The following FRY variants were observed in gnomAD, a reference collection of about 807,000 sequenced individuals.
The protein encoded by FRY is protein furry homolog.
FRY carries 128 observed loss-of-function variants against 348.4 expected under a neutral mutation model. The observed-to-expected ratio is 0.37, with a 90% CI of 0.32 to 0.43. FRY has a LOEUF of 0.43. FRY is among the 20% of genes least tolerant of loss of function. FRY has a pLI of 1.00. For missense variants in FRY, 2,736 were observed against 3,695.2 expected, an observed-to-expected ratio of 0.74 and a Z score of 6.73; for synonymous variants, 1,370 against 1,374.7, an observed-to-expected ratio of 1.00 and a Z score of 0.08.
chr13:32,268,781 C>T (rs985393643), intron 55 of FRY, among the ~76,000 whole-genome samples: 28 of 151,990 alleles, frequency 1.8e-4, no homozygotes, highest in African/African-American at 6.5e-4. Flanking sequence ...GATTCTCCTG[C>T]CTCAGCCTCC....
chr13:32,065,465 C>T (rs1453008184), intron 1 of FRY, among the ~76,000 whole-genome samples: 1 of 152,032 alleles, frequency 6.6e-6, no homozygotes, highest in Non-Finnish European at 1.5e-5. Context: ...ACCACCACGC[C>T]TGACTGATTT....
intron 46 of FRY, among the ~76,000 whole-genome samples, chr13:32,242,883 T>G (rs527583428): frequency 1.8e-4 from 27 of 152,320 alleles, no homozygotes; most frequent in African/African-American, 6.3e-4. Flanking sequence ...ATTTCAACAT[T>G]TAGTTGGATC....
intron 22 of FRY, 112 bp downstream of exon 22, chr13:32,179,145 C>G (rs1266220369): frequency 1.3e-5 from 10 of 764,982 alleles, no homozygotes; most frequent in Admixed American, 2.3e-5. Flanking sequence ...ATTATGGGAT[C>G]AGATTTTCAT....
Position 32,208,859 on chromosome 13 carries a change from G to A in FRY, c.4025G>A (p.Ser1342Asn). 1 of 1,614,082 alleles carries A rather than the reference G, an allele frequency of 6.2e-7. No individual in the cohort carries two copies. Among genetic ancestry groups the A allele is most frequent in the Non-Finnish European group, 8.5e-7 (1 of 1,179,956 alleles). ...ELTLPLFSEV[S>N]QRFPTTHPNG... is the part of the protein sequence containing the mutation. ...TCACTGCAATTCTCTTTAGAGGTAA[G>A]CCAGCGATTCCCCACAACACACCCC... The change falls in exon 32 of 61, where the codon AGC (serine) becomes AAC (asparagine). Residue 1342 changes from serine to asparagine, a missense_variant. Ser to Asn is a conservative substitution (Grantham distance 46). Around this residue, in one of 9 missense-constraint regions of FRY, gnomAD observed 794 missense variants for 977.0 expected, o/e 0.81. Coordinates refer to ENST00000542859, the MANE Select transcript of FRY (RefSeq NM_023037.3).
chr13:32,220,081 A>G (rs963861224), intron 36 of FRY, among the ~76,000 whole-genome samples: 4 of 152,228 alleles, frequency 2.6e-5, no homozygotes, highest in Non-Finnish European at 5.9e-5. Flanking sequence ...CAGATTTGCT[A>G]AGGGAATCAG....
intron 1 of FRY, among the ~76,000 whole-genome samples, chr13:32,063,407 T>C (rs756359170): frequency 3.3e-5 from 5 of 152,174 alleles, no homozygotes; most frequent in Non-Finnish European, 7.3e-5. Context: ...CAGATAACAG[T>C]ATGGGAAATA....
At position 32,261,112 on chromosome 13, in the gene FRY, G is replaced by A. The variant is rs183658423; in HGVS notation, c.7417-504G>A. Among the ~76,000 whole-genome samples, 23 of 152,308 alleles carry A rather than the reference G, an allele frequency of 1.5e-4. No homozygotes were observed. The East Asian group carries it at 4.2e-3, about 28-fold the overall frequency. On this transcript the variant is annotated intron_variant, in intron 51 of 60. Transcript: ENST00000542859. ...GCATTGTATCTGTGAAAATTGCTGTGGCAGAAATAGGCTGGAATGTTTACC... is the reference window on the plus strand; with the variant it reads ...GCATTGTATCTGTGAAAATTGCTGTAGCAGAAATAGGCTGGAATGTTTACC...
intron 32 of FRY, 38 bp downstream of exon 32, chr13:32,209,147 C>G: frequency 6.2e-7 from 1 of 1,612,572 alleles, no homozygotes; most frequent in Non-Finnish European, 8.5e-7. Flanking sequence ...TAGCATGGCT[C>G]CATCATCAGA....
intron 50 of FRY, among the ~76,000 whole-genome samples, chr13:32,253,946 TACACACACAC>T (rs10627998): frequency 6.6e-6 from 1 of 151,086 alleles, no homozygotes; most frequent in East Asian, 1.9e-4. Flanking sequence ...CACACACACA[TACACACACAC>T]ACACAGGTAG....
chr13:32,256,201 A>G (rs1041195130), intron 51 of FRY, among the ~76,000 whole-genome samples: 37 of 152,308 alleles, frequency 2.4e-4, no homozygotes, highest in African/African-American at 8.9e-4. Flanking sequence ...CAATAACTAA[A>G]AAATCACAGT....
chr13:32,053,950 G>A (rs778431821), intron 1 of FRY, among the ~76,000 whole-genome samples: 5 of 151,940 alleles, frequency 3.3e-5, no homozygotes, highest in Non-Finnish European at 7.4e-5. Flanking sequence ...AGATCACACC[G>A]CTGCATTCCA....
At chr13:32,033,952 A>G (rs1356393612) in intron 1 of FRY, among the ~76,000 whole-genome samples, 2 of 152,256 alleles carry the variant, frequency 1.3e-5, no homozygotes, top group Non-Finnish European at 2.9e-5. Context: ...TTGTCTGTGT[A>G]GAAGGCAAAG....
At chr13:32,130,070 T>C (rs1490417319) in intron 7 of FRY, among the ~76,000 whole-genome samples, 1 of 151,086 alleles carries the variant, frequency 6.6e-6, no homozygotes, top group Non-Finnish European at 1.5e-5. Context: ...TTTTTTTTTT[T>C]TTTCCGGTGA....
chr13:32,257,927 T>C (rs1566174368), intron 51 of FRY: 1 of 1,584,192 alleles, frequency 6.3e-7, no homozygotes. Flanking sequence ...AAATAGACCT[T>C]TTGTTTGTTT....
At chr13:32,171,635 T>C (rs1327865633) in intron 18 of FRY, among the ~76,000 whole-genome samples, 3 of 152,174 alleles carry the variant, frequency 2.0e-5, no homozygotes, top group African/African-American at 4.8e-5. Flanking sequence ...TTTATTCATA[T>C]ATGTGAATGA....
intron 35 of FRY, among the ~76,000 whole-genome samples, chr13:32,213,651 A>C (rs969749027): frequency 6.6e-6 from 1 of 152,226 alleles, no homozygotes; most frequent in African/African-American, 2.4e-5. Flanking sequence ...GTATTTCTCT[A>C]AAGATATTTT....
At chr13:32,090,797 G>T (rs9315156) in intron 2 of FRY, among the ~76,000 whole-genome samples, 10,738 of 151,878 alleles carry the variant, frequency 0.071, 508 homozygotes, top group East Asian at 0.24. Context: ...CTGAATTTAA[G>T]TGAAGTTTCT....
rs1887871774 is a variant in FRY at position 32,265,529 on chromosome 13, C to A, written c.7859C>A (p.Ala2620Asp). Residue 2620 changes from alanine (A) to aspartate (D), a missense_variant, in exon 54 of 61, where the codon GCT (alanine) becomes GAT (aspartate). Physicochemically the swap from Ala to Asp is moderately radical, Grantham distance 126 (BLOSUM62 -2). Coordinates refer to ENST00000542859, the MANE Select transcript of FRY (RefSeq NM_023037.3). The part of the protein sequence containing the change: ...LSSSINELPA[A>D]FECSDSFSLD... The stretch of plus-strand genomic sequence containing the variant: ...AGTTCCATCAATGAACTCCCAGCAG[C>A]TTTTGAATGCAGCGACAGCTTTAGC... 1.2e-6 allele frequency: 2 copies of A among 1,614,168 alleles called. No individual in the cohort carries two copies. The highest frequency in any genetic ancestry group is 1.7e-6 in the Non-Finnish European group (2 of 1,180,014).
chr13:32,043,213 G>A (rs1872836455), intron 1 of FRY, among the ~76,000 whole-genome samples: 1 of 152,088 alleles, frequency 6.6e-6, no homozygotes, highest in East Asian at 1.9e-4. Flanking sequence ...GAACAGTATG[G>A]GAGAAATTGC....
Sources: gnomAD v4.1 joint callset for allele counts (sites outside exome capture counted in the v4.1 genomes callset) on GRCh38, gnomAD v4.1.1 for gene constraint, gnomAD v4.1.1 regional missense constraint, MANE v1.5 for transcripts, NCBI Gene and HGNC (gene_info 2026-07-23, HGNC 2026-07-21) for gene names.